The following BRINP1 variants were observed in gnomAD, a reference collection of about 807,000 sequenced individuals.
BRINP1 encodes the protein BMP/retinoic acid inducible neural specific 1, also known as BMP/retinoic acid-inducible neural-specific protein 1.
Under a neutral mutation model 72.9 loss-of-function variants are expected in BRINP1, and 17 were observed. The observed-to-expected ratio is 0.23, with a 90% CI of 0.16 to 0.35. The LOEUF (loss-of-function observed/expected upper bound fraction) is 0.35, where lower values mean the gene tolerates loss of function less well. Among genes scored for constraint, BRINP1 ranks in the 10% least tolerant of loss-of-function variants. BRINP1 has a pLI of 1.00. For missense variants in BRINP1, 850 were observed against 1,001.6 expected (o/e 0.85, Z 2.04); for synonymous variants, 418 against 378.5 (o/e 1.10, Z -1.21).
chr9:119,336,352 T>A (rs541576220), intron 1 of BRINP1, among the ~76,000 whole-genome samples: 1 of 152,276 alleles, frequency 6.6e-6, no homozygotes, highest in East Asian at 1.9e-4. Context: ...CTACATACGT[T>A]GATTTATTTT....
At chr9:119,177,215 TTCG>T (rs1427002596) in intron 7 of BRINP1, among the ~76,000 whole-genome samples, 3 of 152,154 alleles carry the variant, frequency 2.0e-5, no homozygotes, top group Admixed American at 1.3e-4. Flanking sequence ...GACTGCAGTA[TTCG>T]TTTTCCGTAC....
chr9:119,189,793 A>G (rs1299830047), intron 7 of BRINP1, among the ~76,000 whole-genome samples: 2 of 152,060 alleles, frequency 1.3e-5, no homozygotes, highest in African/African-American at 2.4e-5. Context: ...AAATATACTG[A>G]ACATGAACTG....
chr9:119,341,547 C>A (rs1385903334), intron 1 of BRINP1, among the ~76,000 whole-genome samples: 1 of 152,154 alleles, frequency 6.6e-6, no homozygotes, highest in Non-Finnish European at 1.5e-5. Context: ...AGCTCCCAAT[C>A]AGCCACGATT....
At chr9:119,239,479 A>C (rs1830225777) in intron 4 of BRINP1, among the ~76,000 whole-genome samples, 1 of 152,354 alleles carries the variant, frequency 6.6e-6, no homozygotes, top group South Asian at 2.1e-4. Context: ...TAACCTTGAA[A>C]TAAGAATGGC....
intron 3 of BRINP1, among the ~76,000 whole-genome samples, chr9:119,246,426 A>T (rs1360755378): frequency 2.0e-5 from 3 of 152,174 alleles, no homozygotes; most frequent in Non-Finnish European, 4.4e-5. Flanking sequence ...CCCCTGCTGG[A>T]TGTTTCCTCT....
intron 2 of BRINP1, among the ~76,000 whole-genome samples, chr9:119,301,532 G>A (rs1830938801): frequency 6.6e-6 from 1 of 152,246 alleles, no homozygotes; most frequent in Non-Finnish European, 1.5e-5. Context: ...GAGGATGAGA[G>A]AGAGGTTTGA....
chr9:119,290,551 G>A (rs542146738), intron 2 of BRINP1, among the ~76,000 whole-genome samples: 1 of 152,252 alleles, frequency 6.6e-6, no homozygotes, highest in South Asian at 2.1e-4. Context: ...AAAGTCTAAT[G>A]GAAATGCATT....
intron 2 of BRINP1, among the ~76,000 whole-genome samples, chr9:119,258,131 G>A (rs1351722889): frequency 2.0e-5 from 3 of 152,154 alleles, no homozygotes; most frequent in Admixed American, 6.5e-5. Context: ...TTTGCCAAAG[G>A]TGTTCACTTA....
intron 1 of BRINP1, among the ~76,000 whole-genome samples, chr9:119,319,972 C>T (rs1243996394): frequency 6.6e-6 from 1 of 152,154 alleles, no homozygotes; most frequent in Non-Finnish European, 1.5e-5. Flanking sequence ...GCCATAAATA[C>T]TATAATAAAG....
At chr9:119,215,100 A>T (rs1391112232) in intron 5 of BRINP1, among the ~76,000 whole-genome samples, 1 of 152,232 alleles carries the variant, frequency 6.6e-6, no homozygotes, top group Non-Finnish European at 1.5e-5. Context: ...AAACTAACAC[A>T]TCACTAGACA....
chr9:119,235,875 T>A (rs1830188140), intron 5 of BRINP1, among the ~76,000 whole-genome samples: 1 of 152,194 alleles, frequency 6.6e-6, no homozygotes, highest in Non-Finnish European at 1.5e-5. Flanking sequence ...ATAATCTCTA[T>A]AACATTTGCA....
intron 3 of BRINP1, among the ~76,000 whole-genome samples, chr9:119,245,659 C>A (rs528078670): frequency 6.6e-6 from 1 of 152,190 alleles, no homozygotes; most frequent in Non-Finnish European, 1.5e-5. Context: ...ATTCCCATAG[C>A]CTTCCCTTCC....
chr9:119,345,769 T>C (rs1344439897), intron 1 of BRINP1, among the ~76,000 whole-genome samples: 1 of 152,172 alleles, frequency 6.6e-6, no homozygotes, highest in Non-Finnish European at 1.5e-5. Context: ...CCATTTCCGA[T>C]GTGTAAGCTT....
chr9:119,343,908 T>C (rs1200864595), intron 1 of BRINP1, among the ~76,000 whole-genome samples: 1 of 152,168 alleles, frequency 6.6e-6, no homozygotes, highest in Non-Finnish European at 1.5e-5. Flanking sequence ...TTCCCCAACA[T>C]GTCCTCCTAA....
chr9:119,317,449 G>T (rs752969983), intron 1 of BRINP1, among the ~76,000 whole-genome samples: 1 of 152,168 alleles, frequency 6.6e-6, no homozygotes, highest in African/African-American at 2.4e-5. Context: ...AACGGATGAC[G>T]AGTTGCTCCT....
At chr9:119,321,392 G>A (rs917237591) in intron 1 of BRINP1, among the ~76,000 whole-genome samples, 4 of 152,232 alleles carry the variant, frequency 2.6e-5, no homozygotes, top group Non-Finnish European at 4.4e-5. Flanking sequence ...AAGAGCTTTC[G>A]ATGTGGCTAG....
chr9:119,242,605 C>T (rs534005440), intron 3 of BRINP1, among the ~76,000 whole-genome samples: 37 of 152,154 alleles, frequency 2.4e-4, no homozygotes, highest in Non-Finnish European at 4.4e-5. Flanking sequence ...TCCTCATTAT[C>T]ATGCAGTTCC....
chr9:119,356,138 A>T (rs577613485), intron 1 of BRINP1, among the ~76,000 whole-genome samples: 1 of 150,858 alleles, frequency 6.6e-6, no homozygotes, highest in Non-Finnish European at 1.5e-5. Flanking sequence ...GTATACACTG[A>T]CAGTCCCATC....
At chr9:119,172,783 A>G (rs1829431819) in intron 7 of BRINP1, among the ~76,000 whole-genome samples, 1 of 152,106 alleles carries the variant, frequency 6.6e-6, no homozygotes, top group African/African-American at 2.4e-5. Flanking sequence ...CTTATCCACC[A>G]CGATCAAGTG....
Sources: allele counts gnomAD v4.1 joint callset (sites outside exome capture counted in the v4.1 genomes callset), GRCh38; gene constraint gnomAD v4.1.1; transcripts MANE v1.5; gene names NCBI Gene and HGNC (gene_info 2026-07-23, HGNC 2026-07-21).